SEZ6: variants seen among roughly 807,000 people sequenced by gnomAD.
SEZ6 encodes the protein seizure related 6 homolog, also known as seizure protein 6 homolog.
A neutral mutation model predicts 101.0 loss-of-function variants in SEZ6; 53 were observed. The observed-to-expected ratio is 0.52, with a 90% CI of 0.42 to 0.66. SEZ6 has a LOEUF of 0.66. Ranked by LOEUF, SEZ6 falls within the 30% of genes least tolerant of loss-of-function variation. SEZ6 has a pLI of 0.00. For synonymous variants in SEZ6, 488 were observed against 512.2 expected (o/e 0.95, Z 0.64); for missense variants, 1,102 against 1,289.4 (o/e 0.85, Z 2.23).
intron 1 of SEZ6, among the ~76,000 whole-genome samples, chr17:29,002,345 G>A (rs1163320865): frequency 1.3e-5 from 2 of 152,262 alleles, no homozygotes; most frequent in South Asian, 2.1e-4. Context: ...GTGGGGAATG[G>A]AAGCTCAGTT....
chr17:28,958,238 T>G lies in SEZ6; in HGVS notation c.2108-97A>C, dbSNP rs548340116. On this transcript the variant is annotated intron_variant, in intron 10 of 16. Coordinates refer to ENST00000317338, the MANE Select transcript of SEZ6 (RefSeq NM_178860.5). ...CACTCTGGCTCCTGCTAGTTTGTCC[T>G]GGACCTAGACTGTCCTGGGCGGGCT... 8.3e-5 allele frequency: 120 copies of G among 1,439,310 alleles called. No homozygotes were observed. The African/African-American group carries it at 1.3e-3, about 16-fold the overall frequency. The allele number at this position is 1,439,310 out of a possible 1,614,324, so 89.2% of individuals were successfully genotyped here.
At chr17:28,975,169 T>C (rs1420785574) in intron 3 of SEZ6, among the ~76,000 whole-genome samples, 1 of 152,190 alleles carries the variant, frequency 6.6e-6, no homozygotes, top group Admixed American at 6.5e-5. Flanking sequence ...GCTATGAACT[T>C]ACTTTGCCCT....
chr17:28,955,342 T>G lies in SEZ6; in HGVS notation c.*620A>C, dbSNP rs373910667. Reference sequence around the variant, plus strand: ...GTGCCCAGGGAAGCCCAACCTGAGGTGGGGGTAGGGTCCCCCTGAACCCCT... The same window carrying G: ...GTGCCCAGGGAAGCCCAACCTGAGGGGGGGGTAGGGTCCCCCTGAACCCCT... On this transcript the variant is annotated 3_prime_UTR_variant, in exon 17 of 17. Transcript: ENST00000317338. The G allele has an allele frequency of 3.9e-6, 1 of 258,402 alleles. No individual in the cohort carries two copies. 16.0% of individuals were successfully genotyped at this position (258,402 alleles called of 1,614,324 possible). A position where few individuals can be genotyped will look rare whatever the true frequency, so the allele number is the denominator to read the frequency against.
At position 28,981,994 on chromosome 17, in the gene SEZ6, C is replaced by T; in HGVS notation, c.101G>A (p.Gly34Asp). The part of the protein sequence containing the change: ...APTVGKGQAP[G>D]IEETDGELTA... ...CAGCTCGCCATCTGTCTCCTCGATG[C>T]CTGGGGCTTGTCCTTTCCCCACGGT... Residue 34 changes from glycine to aspartate, a missense_variant, in exon 2 of 17, where the codon GGC becomes GAC. Gly to Asp is a moderately conservative substitution (Grantham distance 94). Coordinates refer to ENST00000317338, the MANE Select transcript of SEZ6 (RefSeq NM_178860.5). 1 of 1,611,710 alleles carries T rather than the reference C, an allele frequency of 6.2e-7. No individual in the cohort carries two copies. Among genetic ancestry groups the T allele is most frequent in the Non-Finnish European group, 8.5e-7 (1 of 1,179,038 alleles).
At chr17:29,000,617 A>T (rs1459630051) in intron 1 of SEZ6, among the ~76,000 whole-genome samples, 7 of 152,118 alleles carry the variant, frequency 4.6e-5, no homozygotes, top group African/African-American at 1.7e-4. Flanking sequence ...CCTCTCCATT[A>T]AAGGGCATGT....
chr17:28,970,127 C>G (rs931644594), intron 3 of SEZ6, among the ~76,000 whole-genome samples, 175 bp from the exon 4 acceptor site: 4 of 152,226 alleles, frequency 2.6e-5, no homozygotes, highest in African/African-American at 7.2e-5. Flanking sequence ...TTGCTCATCT[C>G]AGTGTGAGAC....
chr17:28,967,864 A>C (rs959703586), intron 4 of SEZ6, among the ~76,000 whole-genome samples: 4 of 152,170 alleles, frequency 2.6e-5, no homozygotes, highest in Admixed American at 1.3e-4. Context: ...TCCTGTTGCC[A>C]TGACAACCGT....
Position 28,981,550 on chromosome 17 carries a change from G to A in SEZ6, c.545C>T (p.Thr182Ile). The change falls in exon 2 of 17, where the codon ACA becomes ATA. Residue 182 changes from threonine to isoleucine, a missense_variant. By Grantham distance (89) the Thr-to-Ile change is moderately conservative. Coordinates refer to ENST00000317338, the MANE Select transcript of SEZ6 (RefSeq NM_178860.5). Reference sequence around the variant, plus strand: ...GTCTCCAGGACCCTCTTGGGTTGGTGTCCAGGCTCTGCTGGGGGGTGTAGT... The same window carrying A: ...GTCTCCAGGACCCTCTTGGGTTGGTATCCAGGCTCTGCTGGGGGGTGTAGT... Reference protein sequence around the residue: ...ASTTPPSRAWTPTQEGPGDMG... With the variant: ...ASTTPPSRAWIPTQEGPGDMG... 6.2e-7 allele frequency: 1 copy of A among 1,612,734 alleles called. No individual in the cohort carries two copies. Among genetic ancestry groups the A allele is most frequent in the Non-Finnish European group, 8.5e-7 (1 of 1,179,362 alleles).
chr17:29,006,051 G>A (rs1000248191), upstream of SEZ6: 18 of 419,900 alleles, frequency 4.3e-5, no homozygotes, highest in Admixed American at 9.7e-5. Context: ...GCCTGGCGAC[G>A]GCGCCGGGGA....
Position 28,960,384 on chromosome 17 carries a change from G to C in SEZ6, c.1576+121C>G, listed in dbSNP as rs1282201349. Reference sequence around the variant, plus strand: ...GGGGGCCTAAGTACTGAGTGAGCAGGGGCTGACTTGGAAGGAGTGACAGCA... The same window carrying C: ...GGGGGCCTAAGTACTGAGTGAGCAGCGGCTGACTTGGAAGGAGTGACAGCA... On this transcript the variant is annotated intron_variant, in intron 7 of 16. Coordinates refer to ENST00000317338, the MANE Select transcript of SEZ6 (RefSeq NM_178860.5). 3.8e-6 allele frequency: 5 copies of C among 1,328,638 alleles called. No homozygotes were observed. In the African/African-American group the frequency reaches 7.3e-5, roughly 19 times the overall value. 82.3% of individuals were successfully genotyped at this position (1,328,638 alleles called of 1,614,324 possible).
chr17:28,971,277 C>T (rs1332679335), intron 3 of SEZ6, among the ~76,000 whole-genome samples: 1 of 152,174 alleles, frequency 6.6e-6, no homozygotes. Context: ...CATCAGCAGC[C>T]TCACCTGGGA....
Position 28,955,004 on chromosome 17 carries a change from A to G in SEZ6, c.*958T>C, listed in dbSNP as rs2040858696. 6.6e-6 allele frequency: 1 copy of G among 150,990 alleles called. No individual in the cohort carries two copies. Among genetic ancestry groups the G allele is most frequent in the Non-Finnish European group, 1.5e-5 (1 of 67,834 alleles). 9.4% of individuals were successfully genotyped at this position (150,990 alleles called of 1,614,324 possible). On this transcript the variant is annotated 3_prime_UTR_variant, in exon 17 of 17. Transcript: ENST00000317338. ...TCTGGCTGGAGCCCAGACCCCATAT[A>G]ATACATTACATGTACAAAGTGGCTT...
chr17:29,005,088 T>TGTGTGTGG lies in SEZ6; in HGVS notation c.55+726_55+727insCCACACAC, dbSNP rs1475874181. On this transcript the variant is annotated intron_variant, in intron 1 of 16. Coordinates refer to ENST00000317338, the MANE Select transcript of SEZ6 (RefSeq NM_178860.5). The surrounding 1 kb of genome is among the most constrained non-coding windows in gnomAD (Gnocchi z 4.8). ...AGAGCTCGGGGCAGTGGTGTGTGTG[T>TGTGTGTGG]GTGTGTGTGTGTGTGTGTGTGTGTG... Among the ~76,000 whole-genome samples, 1 of 149,104 alleles carries TGTGTGTGG rather than the reference T, an allele frequency of 6.7e-6. No individual in the cohort carries two copies. The highest frequency in any genetic ancestry group is 1.5e-5 in the Non-Finnish European group (1 of 67,588).
intron 3 of SEZ6, among the ~76,000 whole-genome samples, chr17:28,975,432 C>T (rs1409903163): frequency 6.6e-6 from 1 of 152,202 alleles, no homozygotes; most frequent in Non-Finnish European, 1.5e-5. Flanking sequence ...CAGAGAAGGC[C>T]AGGGGTTTAG....
At chr17:28,987,848 G>A (rs1397896293) in intron 1 of SEZ6, among the ~76,000 whole-genome samples, 2 of 152,158 alleles carry the variant, frequency 1.3e-5, no homozygotes, top group African/African-American at 4.8e-5. Flanking sequence ...CCAAGGTCAC[G>A]CAGCTAATGA....
intron 7 of SEZ6, 32 bp downstream of exon 7, chr17:28,960,473 C>A: frequency 6.4e-7 from 1 of 1,572,218 alleles, no homozygotes; most frequent in South Asian, 1.2e-5. Flanking sequence ...CCCGTGGACC[C>A]GCCACCCCCA....
At chr17:28,985,615 A>C (rs1017493515) in intron 1 of SEZ6, among the ~76,000 whole-genome samples, 2 of 152,210 alleles carry the variant, frequency 1.3e-5, no homozygotes, top group African/African-American at 4.8e-5. Context: ...AGAAGGCCAC[A>C]GTCAGAGGTT....
chr17:28,988,552 C>T (rs1362159202), intron 1 of SEZ6, among the ~76,000 whole-genome samples: 4 of 152,210 alleles, frequency 2.6e-5, no homozygotes, highest in African/African-American at 7.2e-5. Context: ...CATCACAGCC[C>T]CAACTGGCAG....
intron 4 of SEZ6, among the ~76,000 whole-genome samples, chr17:28,966,436 T>C (rs967627137): frequency 2.0e-5 from 3 of 151,868 alleles, no homozygotes; most frequent in Non-Finnish European, 4.4e-5. Flanking sequence ...TGAGTGGAGA[T>C]TGCGCTACTG....
Sources: allele counts gnomAD v4.1 joint callset (sites outside exome capture counted in the v4.1 genomes callset), GRCh38; gene constraint gnomAD v4.1.1; non-coding constraint Gnocchi (gnomAD v3.1); transcripts MANE v1.5; gene names NCBI Gene and HGNC (gene_info 2026-07-23, HGNC 2026-07-21).